TPM3: variants seen among roughly 807,000 people sequenced by gnomAD.
TPM3 encodes tropomyosin alpha-3 chain.
In TPM3, 16 loss-of-function variants were observed where a neutral mutation model predicts 43.1. The observed-to-expected ratio is 0.37, with a 90% confidence interval of 0.25 to 0.56. TPM3 has a LOEUF of 0.56. Ranked by LOEUF, TPM3 falls within the 20% of genes least tolerant of loss-of-function variation. TPM3 has a pLI of 0.77. For missense variants in TPM3, 176 were observed against 337.2 expected (o/e 0.52, Z 3.74); for synonymous variants, 101 against 116.9 (o/e 0.86, Z 0.88).
intron 8 of TPM3, chr1:154,169,674 C>T (rs1661362932): frequency 3.8e-6 from 2 of 522,836 alleles, no homozygotes; most frequent in African/African-American, 1.9e-5. Context: ...GGATACCACT[C>T]CCATCCAGGT....
At chr1:154,182,617 C>A (rs1461648533) in intron 2 of TPM3, among the ~76,000 whole-genome samples, 1 of 152,144 alleles carries the variant, frequency 6.6e-6, no homozygotes, top group Non-Finnish European at 1.5e-5. Context: ...AAACCTCAAG[C>A]CAGAGCAAAG....
intron 5 of TPM3, chr1:154,171,797 A>C: frequency 1.6e-6 from 1 of 638,104 alleles, no homozygotes; most frequent in Admixed American, 2.7e-5. Flanking sequence ...TGCCCAACCC[A>C]AACAGTCCCC....
At chr1:154,160,458 T>C (rs1416395346), downstream of TPM3, among the ~76,000 whole-genome samples, 1 of 152,162 alleles carries the variant, frequency 6.6e-6, no homozygotes, top group Non-Finnish European at 1.5e-5. Context: ...ACAGAAAGCA[T>C]ATATGTGTAA....
At chr1:154,176,940 C>G (rs575536286) in intron 2 of TPM3, among the ~76,000 whole-genome samples, 61 of 145,506 alleles carry the variant, frequency 4.2e-4, no homozygotes, top group African/African-American at 1.5e-3. Flanking sequence ...GATTGCGCCA[C>G]TACACTCCAG....
chr1:154,191,324 A>G lies in TPM3; in HGVS notation c.118-13T>C. 6.2e-7 allele frequency: 1 copy of G among 1,613,824 alleles called. No homozygotes were observed. Among genetic ancestry groups the G allele is most frequent in the Non-Finnish European group, 8.5e-7 (1 of 1,180,002 alleles). On this transcript the variant is annotated splice_polypyrimidine_tract_variant and intron_variant, in intron 1 of 9. Coordinates refer to ENST00000651641, the MANE Select transcript of TPM3 (RefSeq NM_152263.4). ...GCTCATCCTCCAGCTATAGGAGCCC[A>G]GAGAGTCACACACAAAAACACACAA...
At chr1:154,158,220 T>C (rs530831918), downstream of TPM3, among the ~76,000 whole-genome samples, 115 of 152,262 alleles carry the variant, frequency 7.6e-4, 1 homozygote, top group South Asian at 0.022. Flanking sequence ...AAAAGGGCGC[T>C]CACAGTTAAG....
At chr1:154,178,145 G>A (rs1261859368) in intron 2 of TPM3, 1 of 985,334 alleles carries the variant, frequency 1.0e-6, no homozygotes, top group African/African-American at 1.7e-5. Flanking sequence ...ACTAGATTTA[G>A]AGGAAGCTCA....
intron 5 of TPM3, 163 bp from the exon 6 acceptor site, chr1:154,171,651 C>G: frequency 1.3e-6 from 1 of 772,886 alleles, no homozygotes; most frequent in Non-Finnish European, 2.2e-6. Flanking sequence ...ATCAACCCTC[C>G]TCCCTCTACC....
rs985826966 is a variant in TPM3 at position 154,165,953 on chromosome 1, A to G, written c.*1984T>C. ...CTATTATTTGTGGCATTCATCACAC[A>G]GTATCTGTAGCTTTATGTATGTTTT... On this transcript the variant is annotated 3_prime_UTR_variant, in exon 10 of 10. Coordinates refer to ENST00000651641, the MANE Select transcript of TPM3 (RefSeq NM_152263.4). Among the ~76,000 whole-genome samples the G allele has an allele frequency of 2.0e-4, 30 of 152,178 alleles. No homozygotes were observed. The highest frequency in any genetic ancestry group is 7.2e-4 in the Admixed American group (11 of 15,272).
At chr1:154,173,229 T>C (rs1172928714) in intron 3 of TPM3, 28 bp from the exon 4 acceptor site, 13 of 1,591,884 alleles carry the variant, frequency 8.2e-6, no homozygotes, top group Non-Finnish European at 1.1e-5. Context: ...AAAGCAATAC[T>C]GACACCCTGA....
In TPM3 at chr1:154,173,266, G is replaced by A. The variant is rs566077120; in HGVS notation, c.378-65C>T. ...GAGTGTGTCGTCAGCTCCACTCCAA[G>A]GGTCTCAGAACTGTACTTTTAAAAG... On this transcript the variant is annotated intron_variant, in intron 3 of 9. Transcript: ENST00000651641. 9.5e-6 allele frequency: 13 copies of A among 1,365,668 alleles called. No individual in the cohort carries two copies. The South Asian group carries it at 1.4e-4, about 15-fold the overall frequency. 84.6% of individuals were successfully genotyped at this position (1,365,668 alleles called of 1,614,324 possible).
chr1:154,156,143 A>G (rs990608882), downstream of TPM3: 1 of 172,622 alleles, frequency 5.8e-6, no homozygotes, highest in Admixed American at 6.4e-5. Context: ...GAGGCAGGAG[A>G]ATCTCTTGAA....
intron 1 of TPM3, chr1:154,191,666 G>C: frequency 6.9e-7 from 1 of 1,441,178 alleles, no homozygotes; most frequent in Non-Finnish European, 9.1e-7. Context: ...CCAAAACATG[G>C]TCCATTTCTA....
At chr1:154,170,881 T>A (rs1661500638) in intron 6 of TPM3, 170 bp from the exon 7 acceptor site, 1 of 631,110 alleles carries the variant, frequency 1.6e-6, no homozygotes. Context: ...AATTCAGAAA[T>A]CTATGTCTTT....
chr1:154,180,313 C>T (rs1304187283), intron 2 of TPM3, among the ~76,000 whole-genome samples: 1 of 152,092 alleles, frequency 6.6e-6, no homozygotes, highest in Non-Finnish European at 1.5e-5. Context: ...TCAGAGAGTG[C>T]AGTTTCCCGC....
chr1:154,184,133 G>C (rs1035706272), intron 2 of TPM3, among the ~76,000 whole-genome samples: 8 of 151,828 alleles, frequency 5.3e-5, no homozygotes, highest in African/African-American at 1.9e-4. Flanking sequence ...TGTAAGCTCC[G>C]CCTCCCGGGT....
chr1:154,167,554 C>A lies in TPM3; in HGVS notation c.*383G>T. On this transcript the variant is annotated 3_prime_UTR_variant, in exon 10 of 10. Transcript: ENST00000651641. ...CTATCCTGAGTAACCTGTACTAAAT[C>A]CATCACTCTGGTAGAATCAGATCAG... The A allele has an allele frequency of 8.7e-7, 1 of 1,151,386 alleles. No individual in the cohort carries two copies. Among genetic ancestry groups the A allele is most frequent in the African/African-American group, 1.5e-5 (1 of 64,696 alleles). 71.3% of individuals were successfully genotyped at this position (1,151,386 alleles called of 1,614,324 possible).
chr1:154,159,650 T>C (rs1401740832), downstream of TPM3, among the ~76,000 whole-genome samples: 2 of 152,122 alleles, frequency 1.3e-5, no homozygotes, highest in Non-Finnish European at 2.9e-5. Flanking sequence ...AGTCAACAAA[T>C]AGTGTGCCTA....
chr1:154,192,015 T>C lies in TPM3; in HGVS notation c.4A>G (p.Met2Val). The stretch of plus-strand genomic sequence containing the variant: ...TGCATCTTTTTCTTGATGGCCTCCA[T>C]CATGAGCAGTGGCTGTTGGTAGGCT... M[M>V]EAIKKKMQML... The change falls in exon 1 of 10, where the codon ATG becomes GTG. Residue 2 changes from methionine (M) to valine (V), a missense_variant. Transcript: ENST00000651641. 6.2e-7 allele frequency: 1 copy of C among 1,613,314 alleles called. No homozygotes were observed. Among genetic ancestry groups the C allele is most frequent in the South Asian group, 1.1e-5 (1 of 91,084 alleles).
Sources: allele counts gnomAD v4.1 joint callset (sites outside exome capture counted in the v4.1 genomes callset), GRCh38; gene constraint gnomAD v4.1.1; transcripts MANE v1.5; gene names NCBI Gene and HGNC (gene_info 2026-07-23, HGNC 2026-07-21).